The following CCSER1 variants were observed in gnomAD, a reference collection of about 807,000 sequenced individuals.
CCSER1 encodes the protein serine-rich coiled-coil domain-containing protein 1.
In CCSER1, 41 loss-of-function variants were observed where a neutral mutation model predicts 82.0. That is an observed-to-expected ratio of 0.50 (90% CI 0.39 to 0.65). CCSER1 has a LOEUF of 0.65. Among genes scored for constraint, CCSER1 ranks in the 30% least tolerant of loss-of-function variants. The probability of loss-of-function intolerance (pLI) is 0.00; values close to 1 mark genes in which losing one functional copy is unlikely to be tolerated. For missense variants in CCSER1, 1,119 were observed against 1,064.2 expected, an observed-to-expected ratio of 1.05 and a Z score of -0.72; for synonymous variants, 414 against 383.9, an observed-to-expected ratio of 1.08 and a Z score of -0.92.
In CCSER1 at chr4:91,521,212, A is replaced by G. The variant is rs186206882; in HGVS notation, c.2218-77360A>G. On this transcript the variant is annotated intron_variant, in intron 10 of 10. Coordinates refer to ENST00000509176, the MANE Select transcript of CCSER1 (RefSeq NM_001145065.2). ...ATGCATGTCCCTGCAAAGGACATGA[A>G]CTCATCATTTTTTATGGCTGCATAG... Among the ~76,000 whole-genome samples the G allele has an allele frequency of 1.4e-3, 220 of 152,226 alleles. 1 individual carries two copies. Among genetic ancestry groups the G allele is most frequent in the African/African-American group, 5.1e-3 (210 of 41,532 alleles).
chr4:90,333,384 A>G (rs1739708988), intron 3 of CCSER1, among the ~76,000 whole-genome samples: 1 of 152,192 alleles, frequency 6.6e-6, no homozygotes, highest in African/African-American at 2.4e-5. Flanking sequence ...TTAGACAAGA[A>G]ACAGAATAAC....
intron 10 of CCSER1, among the ~76,000 whole-genome samples, chr4:91,359,317 G>T (rs1003523868): frequency 6.6e-6 from 1 of 151,766 alleles, no homozygotes; most frequent in East Asian, 1.9e-4. Context: ...GCCCAGGCCT[G>T]GTTTCAGGCC....
At chr4:91,114,589 C>T (rs1017740475) in intron 10 of CCSER1, among the ~76,000 whole-genome samples, 2 of 152,154 alleles carry the variant, frequency 1.3e-5, no homozygotes, top group Non-Finnish European at 1.5e-5. Context: ...GTGCTTAGGC[C>T]TGAATGCGTG....
chr4:90,320,270 A>G (rs986255525), intron 3 of CCSER1, among the ~76,000 whole-genome samples: 1 of 152,236 alleles, frequency 6.6e-6, no homozygotes, highest in African/African-American at 2.4e-5. Context: ...ACATGTTTAT[A>G]TAGATGTGAA....
intron 8 of CCSER1, among the ~76,000 whole-genome samples, chr4:90,913,327 G>A (rs1339231104): frequency 6.6e-6 from 1 of 152,084 alleles, no homozygotes; most frequent in Non-Finnish European, 1.5e-5. Context: ...AGAGAGAGGG[G>A]GCCAATATTC....
In CCSER1 at chr4:91,555,077, A is replaced by C. The variant is rs1368638711; in HGVS notation, c.2218-43495A>C. The stretch of plus-strand genomic sequence containing the variant: ...CTCAAATACAAGATCTGAAACTCTA[A>C]AATTGCTAAAAGAAAATATATGAGG... On this transcript the variant is annotated intron_variant, in intron 10 of 10. Transcript: ENST00000509176. 2.6e-5 allele frequency among the ~76,000 whole-genome samples: 4 copies of C among 151,264 alleles called. No individual in the cohort carries two copies. In the East Asian group the frequency reaches 7.7e-4, roughly 29 times the overall value.
At chr4:91,121,784 A>T (rs1727114413) in intron 10 of CCSER1, among the ~76,000 whole-genome samples, 2 of 151,738 alleles carry the variant, frequency 1.3e-5, no homozygotes, top group South Asian at 4.1e-4. Context: ...TATAGTTATC[A>T]TTTATTTATT....
At chr4:90,724,743 T>G (rs1403451262) in intron 7 of CCSER1, 1 of 316,910 alleles carries the variant, frequency 3.2e-6, no homozygotes, top group African/African-American at 2.2e-5. Flanking sequence ...TTCAGTATAG[T>G]TTGGTTTAAA....
intron 3 of CCSER1, among the ~76,000 whole-genome samples, chr4:90,380,833 C>G (rs982889573): frequency 6.6e-6 from 1 of 152,134 alleles, no homozygotes; most frequent in Non-Finnish European, 1.5e-5. Context: ...ATAGTTAATT[C>G]ATTTAAGAAA....
intron 6 of CCSER1, among the ~76,000 whole-genome samples, chr4:90,713,765 C>CT (rs1649081221): frequency 6.6e-6 from 1 of 151,914 alleles, no homozygotes; most frequent in African/African-American, 2.4e-5. Context: ...TTCTCCCCAT[C>CT]TTTTTCAGGT....
intron 10 of CCSER1, among the ~76,000 whole-genome samples, chr4:91,091,431 A>C (rs1003168202): frequency 6.6e-6 from 1 of 152,190 alleles, no homozygotes; most frequent in South Asian, 2.1e-4. Flanking sequence ...AGAACAAAAA[A>C]AATTGTCTTA....
intron 8 of CCSER1, among the ~76,000 whole-genome samples, chr4:90,859,283 T>C (rs1764796955): frequency 6.6e-6 from 1 of 151,904 alleles, no homozygotes; most frequent in Non-Finnish European, 1.5e-5. Context: ...AAATAAAGTT[T>C]ATGAATTTCA....
At chr4:90,271,852 A>ATATG (rs1726471430) in intron 1 of CCSER1, among the ~76,000 whole-genome samples, 2 of 24,442 alleles carry the variant, frequency 8.2e-5, no homozygotes, top group African/African-American at 8.2e-4. Context: ...ATATATATAT[A>ATATG]TATATATATA....
chr4:91,502,031 G>T (rs1759237128), intron 10 of CCSER1, among the ~76,000 whole-genome samples: 1 of 152,160 alleles, frequency 6.6e-6, no homozygotes. Context: ...AATGATAAAA[G>T]ATTGTATTGC....
At chr4:90,339,848 A>C (rs1421410340) in intron 3 of CCSER1, among the ~76,000 whole-genome samples, 2 of 151,952 alleles carry the variant, frequency 1.3e-5, no homozygotes, top group Non-Finnish European at 2.9e-5. Context: ...TTACTTATTT[A>C]ATGTGAGGCT....
At chr4:90,176,443 CAT>C (rs1732681414) in intron 1 of CCSER1, among the ~76,000 whole-genome samples, 1 of 151,974 alleles carries the variant, frequency 6.6e-6, no homozygotes, top group Non-Finnish European at 1.5e-5. Context: ...CTGAAATAAA[CAT>C]AGTGAATAGG....
intron 10 of CCSER1, among the ~76,000 whole-genome samples, chr4:91,420,701 G>A (rs1040527159): frequency 6.6e-6 from 1 of 152,028 alleles, no homozygotes; most frequent in African/African-American, 2.4e-5. Context: ...ATGTCCAAAG[G>A]AAATTAAATT....
At chr4:90,567,707 G>A (rs1357733309) in intron 5 of CCSER1, among the ~76,000 whole-genome samples, 1 of 151,242 alleles carries the variant, frequency 6.6e-6, no homozygotes, top group Admixed American at 6.6e-5. Flanking sequence ...CATGGGCATA[G>A]GTGATCCTCC....
At chr4:91,389,921 TTTCCTG>T (rs1345392775) in intron 10 of CCSER1, among the ~76,000 whole-genome samples, 1 of 152,112 alleles carries the variant, frequency 6.6e-6, no homozygotes, top group African/African-American at 2.4e-5. Flanking sequence ...TTGTATATTA[TTTCCTG>T]TGCATTGTTA....
Sources: gnomAD v4.1 joint callset for allele counts (sites outside exome capture counted in the v4.1 genomes callset) on GRCh38, gnomAD v4.1.1 for gene constraint, MANE v1.5 for transcripts, NCBI Gene and HGNC (gene_info 2026-07-23, HGNC 2026-07-21) for gene names.